MUC5B: variants seen among roughly 807,000 people sequenced by gnomAD.
MUC5B encodes mucin-5B.
A neutral mutation model predicts 376.9 loss-of-function variants in MUC5B; 116 were observed. The observed-to-expected ratio is 0.31, with a 90% confidence interval of 0.26 to 0.36. The LOEUF is 0.36. Ranked by LOEUF, MUC5B falls within the 10% of genes least tolerant of loss-of-function variation. The pLI is 1.00. For synonymous variants in MUC5B, 3,517 were observed against 3,390.9 expected (o/e 1.04, Z -1.29); for missense variants, 7,165 against 7,769.9 (o/e 0.92, Z 2.93).
intron 28 of MUC5B, 31 bp downstream of exon 28, chr11:1,239,974 G>A (rs1267026664): frequency 6.2e-7 from 1 of 1,610,514 alleles, no homozygotes; most frequent in East Asian, 2.2e-5. Context: ...TGGCGCTGGG[G>A]GAGCAGGGCT....
rs573937192 is a variant in MUC5B at position 1,236,533 on chromosome 11, G to A, written c.3028G>A (p.Val1010Met). Residue 1010 changes from valine (V) to methionine (M), a missense_variant, in exon 24 of 49, where the codon GTG becomes ATG. Coordinates refer to ENST00000529681, the MANE Select transcript of MUC5B (RefSeq NM_002458.3). ...MAVSWDRKTS[V>M]FIRLHQDYKG... ...CGTGTCCTGGGACCGGAAGACCAGCGTGTTCATCCGACTGCACCAGGACTA... is the reference window on the plus strand; with the variant it reads ...CGTGTCCTGGGACCGGAAGACCAGCATGTTCATCCGACTGCACCAGGACTA... 43 of 1,612,946 alleles carry A rather than the reference G, an allele frequency of 2.7e-5. No homozygotes were observed. Among genetic ancestry groups the A allele is most frequent in the Middle Eastern group, 1.7e-4 (1 of 6,060 alleles).
chr11:1,231,642 C>G, intron 14 of MUC5B, 82 bp downstream of exon 14: 1 of 1,452,550 alleles, frequency 6.9e-7, no homozygotes, highest in Non-Finnish European at 9.2e-7. Context: ...GAGGGGCAGG[C>G]AGAGGCGGGC....
chr11:1,240,232 A>C lies in MUC5B; in HGVS notation c.3827A>C (p.Asn1276Thr). The change falls in exon 30 of 49, where the codon AAC becomes ACC. Residue 1276 changes from asparagine (N) to threonine (T), a missense_variant. This residue lies in a region of MUC5B where 517 missense variants were observed against 545.3 expected (regional missense o/e 0.95). Coordinates refer to ENST00000529681, the MANE Select transcript of MUC5B (RefSeq NM_002458.3). ...RTYSYQDVIY[N>T]TTDGLGACLI... The stretch of plus-strand genomic sequence containing the variant: ...TACAGCTACCAGGACGTCATCTACA[A>C]CACCACCGATGGGCTTGGCGCCTGC... 3 of 1,613,362 alleles carry C rather than the reference A, an allele frequency of 1.9e-6. No individual in the cohort carries two copies. The highest frequency in any genetic ancestry group is 2.2e-5 in the East Asian group (1 of 44,874).
rs562727448 is a variant in MUC5B at position 1,246,531 on chromosome 11, G to A, written c.9651G>A (p.Gly3217=). Reference sequence around the variant, plus strand: ...GAGCCACTCCCTCCTCCAGTCCAGGGACTGCAACCGCCCTTCCAGCACTGA... The same window carrying A: ...GAGCCACTCCCTCCTCCAGTCCAGGAACTGCAACCGCCCTTCCAGCACTGA... ...SSRATPSSSP[G]TATALPALRS... The change falls in exon 31 of 49, where the codon GGG becomes GGA. Residue 3217 remains glycine, a synonymous_variant. Coordinates refer to ENST00000529681, the MANE Select transcript of MUC5B (RefSeq NM_002458.3). The A allele has an allele frequency of 3.9e-5, 63 of 1,612,558 alleles. 1 individual carries two copies. The East Asian group carries it at 1.2e-3, about 31-fold the overall frequency.
At chr11:1,251,781 C>A in intron 31 of MUC5B, 38 bp downstream of exon 31, 1 of 1,418,298 alleles carries the variant, frequency 7.1e-7, no homozygotes, top group Non-Finnish European at 9.7e-7. Flanking sequence ...ACCCTTTCCC[C>A]ACATGCTATG....
intron 25 of MUC5B, 105 bp from the exon 26 acceptor site, chr11:1,238,766 G>C: frequency 3.2e-6 from 4 of 1,244,242 alleles, no homozygotes; most frequent in Non-Finnish European, 4.5e-6. Context: ...GCTGCCATGG[G>C]GGGTGTTGAA....
chr11:1,231,470 A>G lies in MUC5B; in HGVS notation c.1588A>G (p.Thr530Ala), dbSNP rs755522038. Reference sequence around the variant, plus strand: ...CTCGAGCTTCTTCATCGTGGTGCAGACAGGCCTGGGGCTGCAGCTGCTGGT... The same window carrying G: ...CTCGAGCTTCTTCATCGTGGTGCAGGCAGGCCTGGGGCTGCAGCTGCTGGT... ...TPSSFFIVVQ[T>A]GLGLQLLVQL... The change falls in exon 14 of 49, where the codon ACA (threonine) becomes GCA (alanine). Residue 530 changes from threonine to alanine, a missense_variant. Physicochemically the swap from Thr to Ala is moderately conservative, Grantham distance 58 (BLOSUM62 0). Around this residue, in one of 31 missense-constraint regions of MUC5B, gnomAD observed 640 missense variants for 733.0 expected, o/e 0.87. Coordinates refer to ENST00000529681, the MANE Select transcript of MUC5B (RefSeq NM_002458.3). 1.1e-5 allele frequency: 17 copies of G among 1,611,770 alleles called. No homozygotes were observed. Among genetic ancestry groups the G allele is most frequent in the Non-Finnish European group, 1.4e-5 (17 of 1,179,442 alleles).
chr11:1,246,881 T>A lies in MUC5B; in HGVS notation c.10001T>A (p.Ile3334Asn). 2 of 1,609,268 alleles carry A rather than the reference T, an allele frequency of 1.2e-6. No individual in the cohort carries two copies. Among genetic ancestry groups the A allele is most frequent in the African/African-American group, 1.3e-5 (1 of 74,266 alleles). ...ACGGCACTCACGCCTCCAGTGTGGA[T>A]CAGCACAACCACCACACCCACAACC... ...PGTALTPPVW[I>N]STTTTPTTRG... The change falls in exon 31 of 49, where the codon ATC becomes AAC. Residue 3334 changes from isoleucine to asparagine, a missense_variant. By Grantham distance (149) the Ile-to-Asn change is moderately radical (BLOSUM62 -3). This residue lies in a region of MUC5B where 939 missense variants were observed against 770.6 expected (regional missense o/e 1.22). Coordinates refer to ENST00000529681, the MANE Select transcript of MUC5B (RefSeq NM_002458.3).
Position 1,242,223 on chromosome 11 carries a change from G to C in MUC5B, c.5343G>C (p.Thr1781=), listed in dbSNP as rs762714624. 3.1e-6 allele frequency: 5 copies of C among 1,613,738 alleles called. No homozygotes were observed. The highest frequency in any genetic ancestry group is 3.3e-5 in the Admixed American group (2 of 60,020). The part of the protein sequence containing the change: ...PLTNTTTSQG[T]TRCQPKCEWT... ...CTAACACCACCACCAGCCAGGGCAC[G>C]ACCCGCTGTCAACCGAAGTGTGAGT... The change falls in exon 31 of 49, where the codon ACG becomes ACC. Residue 1781 remains threonine, a synonymous_variant. Transcript: ENST00000529681.
Position 1,251,653 on chromosome 11 carries a change from G to C in MUC5B, c.14773G>C (p.Val4925Leu). The C allele has an allele frequency of 6.2e-7, 1 of 1,613,108 alleles. No individual in the cohort carries two copies. Among genetic ancestry groups the C allele is most frequent in the Non-Finnish European group, 8.5e-7 (1 of 1,179,804 alleles). Residue 4925 changes from valine (V) to leucine (L), a missense_variant, in exon 31 of 49, where the codon GTC becomes CTC. Transcript: ENST00000529681. The stretch of plus-strand genomic sequence containing the variant: ...CAGCGTGTCCACTGTGTCCTCCTCA[G>C]TCCTCACCACCCTGAGACCCACTGG... ...TFSVSTVSSS[V>L]LTTLRPTGFP...
intron 7 of MUC5B, 185 bp from the exon 8 acceptor site, chr11:1,228,379 G>T (rs879321303): frequency 1.7e-6 from 1 of 585,934 alleles, no homozygotes; most frequent in Admixed American, 3.5e-5. Flanking sequence ...CCCGGTCACG[G>T]GTCACTCCCC....
intron 15 of MUC5B, 83 bp from the exon 16 acceptor site, chr11:1,232,367 G>A (rs756342010): frequency 3.8e-5 from 55 of 1,466,066 alleles, no homozygotes; most frequent in Non-Finnish European, 4.4e-5. Flanking sequence ...ACTGTTCCCC[G>A]GGCTGAGGGG....
At position 1,249,939 on chromosome 11, in the gene MUC5B, C is replaced by T. The variant is rs779525216; in HGVS notation, c.13059C>T (p.Pro4353=). ...TGGCCACCATGTCCACAATCCACCC[C>T]TCCTCCACTCCGGAGACCACCCACA... ...TPVATMSTIH[P]SSTPETTHTS... The change falls in exon 31 of 49, where the codon CCC becomes CCT. Residue 4353 remains proline, a synonymous_variant. Coordinates refer to ENST00000529681, the MANE Select transcript of MUC5B (RefSeq NM_002458.3). 2 of 1,613,282 alleles carry T rather than the reference C, an allele frequency of 1.2e-6. No homozygotes were observed. Among genetic ancestry groups the T allele is most frequent in the Admixed American group, 3.3e-5 (2 of 59,974 alleles).
chr11:1,247,037 C>T lies in MUC5B; in HGVS notation c.10157C>T (p.Thr3386Ile), dbSNP rs1188766525. The stretch of plus-strand genomic sequence containing the variant: ...TCCTCTAGCACACAGACCAGTGGTA[C>T]TCCCCCATCACTGACCACCACGGCC... ...TPSSSTQTSGTPPSLTTTATT... is the reference protein window; with the variant it reads ...TPSSSTQTSGIPPSLTTTATT... Residue 3386 changes from threonine to isoleucine, a missense_variant, in exon 31 of 49, where the codon ACT (threonine) becomes ATT (isoleucine). This residue lies in a region of MUC5B where 939 missense variants were observed against 770.6 expected (regional missense o/e 1.22). Transcript: ENST00000529681. The T allele has an allele frequency of 1.3e-5, 20 of 1,553,466 alleles. No individual in the cohort carries two copies. The African/African-American group carries it at 2.3e-4, about 18-fold the overall frequency.
chr11:1,239,061 G>A, intron 26 of MUC5B, 34 bp downstream of exon 26: 1 of 1,560,148 alleles, frequency 6.4e-7, no homozygotes, highest in Non-Finnish European at 8.7e-7. Context: ...GCTGAAGGGT[G>A]GAGCTGCTGG....
At chr11:1,252,778 C>T in intron 32 of MUC5B, 31 bp from the exon 33 acceptor site, 1 of 1,574,482 alleles carries the variant, frequency 6.4e-7, no homozygotes, top group Non-Finnish European at 8.6e-7. Flanking sequence ...TGAGCTGGTC[C>T]AGGTGAGGAC....
chr11:1,261,981 C>A lies in MUC5B; in HGVS notation c.*373C>A. The A allele has an allele frequency of 4.1e-6, 2 of 492,432 alleles. No individual in the cohort carries two copies. Among genetic ancestry groups the A allele is most frequent in the Non-Finnish European group, 8.0e-6 (2 of 249,426 alleles). The allele number at this position is 492,432 out of a possible 1,614,324, so 30.5% of individuals were successfully genotyped here. A position where few individuals can be genotyped will look rare whatever the true frequency, so the allele number is the denominator to read the frequency against. The stretch of plus-strand genomic sequence containing the variant: ...AGCTGGCCACGTCCGGCCGCTGGGG[C>A]AGACAGGCTGGTCCAGGCAAGGCCA... On this transcript the variant is annotated 3_prime_UTR_variant, in exon 49 of 49. Transcript: ENST00000529681.
intron 1 of MUC5B, 106 bp downstream of exon 1, chr11:1,223,299 C>T: frequency 2.9e-6 from 2 of 696,956 alleles, no homozygotes; most frequent in Non-Finnish European, 5.3e-6. Context: ...GGCAGATCCC[C>T]CTACGACTCC....
chr11:1,251,442 A>G lies in MUC5B; in HGVS notation c.14562A>G (p.Ile4854Met). 1 of 1,612,044 alleles carries G rather than the reference A, an allele frequency of 6.2e-7. No homozygotes were observed. Among genetic ancestry groups the G allele is most frequent in the African/African-American group, 1.3e-5 (1 of 74,924 alleles). ...GGATCCTCACAGAGCCGAGCACTATAGCCACCGTGATGGTGCCCACCGGTT... is the reference window on the plus strand; with the variant it reads ...GGATCCTCACAGAGCCGAGCACTATGGCCACCGTGATGGTGCCCACCGGTT... ...TTWILTEPST[I>M]ATVMVPTGST... The change falls in exon 31 of 49, where the codon ATA (isoleucine) becomes ATG (methionine). Residue 4854 changes from isoleucine to methionine, a missense_variant. Coordinates refer to ENST00000529681, the MANE Select transcript of MUC5B (RefSeq NM_002458.3).
Sources: gnomAD v4.1 joint callset for allele counts on GRCh38, gnomAD v4.1.1 for gene constraint, gnomAD v4.1.1 regional missense constraint, MANE v1.5 for transcripts, NCBI Gene and HGNC (gene_info 2026-07-23, HGNC 2026-07-21) for gene names.